LDB1: variants seen among roughly 807,000 people sequenced by gnomAD.
The protein encoded by LDB1 is LIM domain-binding protein 1.
LDB1 carries 6 observed loss-of-function variants against 49.7 expected under a neutral mutation model. The ratio of observed to expected loss-of-function variants is 0.12; its 90% CI spans 0.07 to 0.24. LDB1 has a LOEUF of 0.24. Among genes scored for constraint, LDB1 ranks in the 10% least tolerant of loss-of-function variants. LDB1 has a pLI of 1.00. For missense variants in LDB1, 341 were observed against 561.7 expected, an observed-to-expected ratio of 0.61 and a Z score of 3.97; for synonymous variants, 233 against 202.0, an observed-to-expected ratio of 1.15 and a Z score of -1.30.
chr10:102,120,143 A>G lies in LDB1; in HGVS notation c.-33T>C, dbSNP rs2068397962. 1 of 1,304,084 alleles carries G rather than the reference A, an allele frequency of 7.7e-7. No homozygotes were observed. The highest frequency in any genetic ancestry group is 3.2e-5 in the East Asian group (1 of 31,730). The allele number at this position is 1,304,084 out of a possible 1,614,324, so 80.8% of individuals were successfully genotyped here. A position where few individuals can be genotyped will look rare whatever the true frequency, so the allele number is the denominator to read the frequency against. On this transcript the variant is annotated 5_prime_UTR_variant, in exon 1 of 11. Coordinates refer to ENST00000673968, the MANE Select transcript of LDB1 (RefSeq NM_001113407.3). ...TCGCCCGCCTCTGGGGGCCCAGCCG[A>G]GTCACGGTGCCCGCCCCTCGCGGGG...
chr10:102,120,016 A>C (rs531578739), intron 1 of LDB1, 70 bp downstream of exon 1: 1 of 1,270,718 alleles, frequency 7.9e-7, no homozygotes, highest in South Asian at 1.5e-5. Flanking sequence ...AGTTCTCGCC[A>C]AACACGGGGT....
chr10:102,102,374 A>C (rs2068128304), downstream of LDB1, among the ~76,000 whole-genome samples: 1 of 152,222 alleles, frequency 6.6e-6, no homozygotes, highest in East Asian at 1.9e-4. Context: ...TCCTCCAGGC[A>C]GCCTCAGTTG....
At chr10:102,116,494 A>AT (rs1190222730) in intron 1 of LDB1, among the ~76,000 whole-genome samples, 3 of 152,102 alleles carry the variant, frequency 2.0e-5, no homozygotes, top group Non-Finnish European at 1.5e-5. Context: ...AACCTGTGAT[A>AT]TATCTCAAAT....
chr10:102,110,689 G>C lies in LDB1; in HGVS notation c.365C>G (p.Thr122Ser). The C allele has an allele frequency of 6.2e-7, 1 of 1,613,130 alleles. No individual in the cohort carries two copies. The highest frequency in any genetic ancestry group is 8.5e-7 in the Non-Finnish European group (1 of 1,179,402). Residue 122 changes from threonine to serine, a missense_variant, in exon 6 of 11, where the codon ACC becomes AGC. Physicochemically the swap from Thr to Ser is moderately conservative, Grantham distance 58. Around this residue, in one of 5 missense-constraint regions of LDB1, gnomAD observed 233 missense variants for 385.7 expected, o/e 0.60. Transcript: ENST00000673968. ...DGPKRYTIGR[T>S]LIPRYFRSIF... The stretch of plus-strand genomic sequence containing the variant: ...GCTGCGGAAGTAGCGTGGGATCAGG[G>C]TCCGGCCAATGGCTGTAGAGATGGG...
intron 6 of LDB1, chr10:102,110,290 C>T: frequency 1.6e-6 from 1 of 622,490 alleles, no homozygotes; most frequent in Non-Finnish European, 2.8e-6. Context: ...GATACACCCA[C>T]CTGCTCTAAG....
At chr10:102,114,812 G>GGGCGCCCCCCCCCCCCCCCC in intron 1 of LDB1, 5 of 929,818 alleles carry the variant, frequency 5.4e-6, no homozygotes, top group African/African-American at 1.8e-5. Context: ...CCTCCGAGCA[G>GGGCGCCCCCCCCCCCCCCCC]CCCGCCCGCC....
rs373894593 is a variant in LDB1 at position 102,112,969 on chromosome 10, G to A, written c.26-1433C>T. ...GTTTCCCCTTCTCACCAGATAGGAG[G>A]GGAAACTGAGGCACAGGCCCAAAAG... is the stretch of plus-strand genomic sequence containing the variant. On this transcript the variant is annotated intron_variant, in intron 1 of 10. Transcript: ENST00000673968. Among the ~76,000 whole-genome samples, 15 of 152,194 alleles carry A rather than the reference G, an allele frequency of 9.9e-5. No individual in the cohort carries two copies. In the East Asian group the frequency reaches 1.9e-3, roughly 20 times the overall value.
At chr10:102,115,749 A>G (rs2068328308) in intron 1 of LDB1, among the ~76,000 whole-genome samples, 1 of 152,194 alleles carries the variant, frequency 6.6e-6, no homozygotes. Flanking sequence ...ACGTGTGGTT[A>G]GTGGATAGGA....
intron 1 of LDB1, chr10:102,114,662 C>G: frequency 1.1e-6 from 1 of 893,710 alleles, no homozygotes; most frequent in Non-Finnish European, 1.3e-6. Context: ...GCCAGGGGGC[C>G]GGCCTGGGGG....
At chr10:102,118,038 G>A (rs572574132) in intron 1 of LDB1, among the ~76,000 whole-genome samples, 6 of 152,174 alleles carry the variant, frequency 3.9e-5, no homozygotes, top group South Asian at 2.1e-4. Context: ...GCAGGCGGCA[G>A]GCGGCCTGCC....
At chr10:102,114,923 C>T in intron 1 of LDB1, 9 of 803,012 alleles carry the variant, frequency 1.1e-5, no homozygotes, top group Non-Finnish European at 1.4e-5. Flanking sequence ...CACGCAGCGC[C>T]CGCCGGCTGC....
chr10:102,110,417 T>G, intron 6 of LDB1, 112 bp downstream of exon 6: 1 of 1,097,418 alleles, frequency 9.1e-7, no homozygotes. Context: ...CCTTCTTATT[T>G]TGCCAGTTCA....
downstream of LDB1, among the ~76,000 whole-genome samples, chr10:102,103,631 T>C (rs990508882): frequency 6.6e-6 from 1 of 152,060 alleles, no homozygotes; most frequent in Non-Finnish European, 1.5e-5. Flanking sequence ...CTGGCTGACA[T>C]GGTGAAAACC....
Position 102,107,740 on chromosome 10 carries a change from C to A in LDB1, c.*353G>T, listed in dbSNP as rs1006575777. Reference sequence around the variant, plus strand: ...CTAAGGGCTGTGGGTATAGACAACCCCAGGCTTGAAAGGGGTAAAGTCAGG... The same window carrying A: ...CTAAGGGCTGTGGGTATAGACAACCACAGGCTTGAAAGGGGTAAAGTCAGG... On this transcript the variant is annotated 3_prime_UTR_variant, in exon 11 of 11. Coordinates refer to ENST00000673968, the MANE Select transcript of LDB1 (RefSeq NM_001113407.3). 2.7e-5 allele frequency: 9 copies of A among 331,924 alleles called. No homozygotes were observed. Among genetic ancestry groups the A allele is most frequent in the African/African-American group, 1.3e-4 (6 of 47,664 alleles). 20.6% of individuals were successfully genotyped at this position (331,924 alleles called of 1,614,324 possible).
At chr10:102,108,562 A>T (rs554355534) in intron 10 of LDB1, among the ~76,000 whole-genome samples, 4 of 151,712 alleles carry the variant, frequency 2.6e-5, no homozygotes, top group Admixed American at 1.3e-4. Flanking sequence ...AAGTCACTCT[A>T]CTCCCCTAGC....
chr10:102,103,879 T>G (rs61874765), downstream of LDB1, among the ~76,000 whole-genome samples: 11,913 of 151,898 alleles, frequency 0.078, 576 homozygotes, highest in African/African-American at 0.14. Context: ...ACTCCTGATA[T>G]GGTAAAACCA....
upstream of LDB1, among the ~76,000 whole-genome samples, chr10:102,121,168 C>G (rs148143368): frequency 6.6e-6 from 1 of 152,140 alleles, no homozygotes; most frequent in East Asian, 1.9e-4. Flanking sequence ...GAATGACCAC[C>G]AGATTGGATT....
At chr10:102,105,437 C>T (rs892001211), downstream of LDB1, among the ~76,000 whole-genome samples, 3 of 152,032 alleles carry the variant, frequency 2.0e-5, no homozygotes, top group Admixed American at 6.6e-5. Context: ...GCCAGTCTAT[C>T]GGGCTTTATT....
chr10:102,114,605 G>A (rs1037626103), intron 1 of LDB1: 6 of 985,178 alleles, frequency 6.1e-6, no homozygotes, highest in Non-Finnish European at 4.8e-6. Flanking sequence ...CGCGGCGGCC[G>A]CTGTCCCGGG....
Sources: gnomAD v4.1 joint callset for allele counts (sites outside exome capture counted in the v4.1 genomes callset) on GRCh38, gnomAD v4.1.1 for gene constraint, gnomAD v4.1.1 regional missense constraint, MANE v1.5 for transcripts, NCBI Gene and HGNC (gene_info 2026-07-23, HGNC 2026-07-21) for gene names.